Variants in ACSL4 observed in about 807,000 individuals in gnomAD.
ACSL4 encodes the protein acyl-CoA synthetase long chain family member 4.
ACSL4 carries 9 observed loss-of-function variants against 49.1 expected under a neutral mutation model. That is an observed-to-expected ratio of 0.18 (90% confidence interval 0.11 to 0.32). ACSL4 has a LOEUF of 0.32. Ranked by LOEUF, ACSL4 falls within the 10% of genes least tolerant of loss-of-function variation. The probability of loss-of-function intolerance (pLI) is 1.00; values close to 1 mark genes in which losing one functional copy is unlikely to be tolerated. For missense variants in ACSL4, 333 were observed against 493.7 expected (o/e 0.67, Z 3.08); for synonymous variants, 191 against 170.3 (o/e 1.12, Z -0.95).
At chrX:109,649,402 C>T (rs1292294213) in intron 15 of ACSL4, among the ~76,000 whole-genome samples, 1 of 111,364 alleles carries the variant, frequency 9.0e-6, no homozygotes, top group African/African-American at 3.3e-5. Context: ...CTTTGACAAA[C>T]CTAAGAAAAA....
intron 1 of ACSL4, among the ~76,000 whole-genome samples, chrX:109,718,358 T>C (rs1369235589): frequency 1.8e-5 from 2 of 112,332 alleles, no homozygotes; most frequent in Admixed American, 9.4e-5. Context: ...AATCCCAACT[T>C]TGAAAGACAA....
intron 4 of ACSL4, 43 bp from the exon 5 acceptor site, chrX:109,681,418 T>C (rs1478668108): frequency 1.1e-6 from 1 of 894,646 alleles, no homozygotes; most frequent in Non-Finnish European, 1.6e-6. Context: ...AATAAACATC[T>C]ATTAGAAATG....
intron 15 of ACSL4, among the ~76,000 whole-genome samples, chrX:109,648,344 T>A (rs939732365): frequency 2.1e-4 from 23 of 111,804 alleles, no homozygotes; most frequent in African/African-American, 6.2e-4. Flanking sequence ...GTGGGCTTCA[T>A]CCCTGGGATG....
chrX:109,694,400 G>T (rs1925267392), intron 2 of ACSL4, among the ~76,000 whole-genome samples: 1 of 111,979 alleles, frequency 8.9e-6, no homozygotes, highest in South Asian at 3.7e-4. Flanking sequence ...TGAGTGGTAA[G>T]ACCTGGAACA....
At chrX:109,646,912 A>G (rs935532445) in intron 15 of ACSL4, among the ~76,000 whole-genome samples, 6 of 111,947 alleles carry the variant, frequency 5.4e-5, no homozygotes, top group Admixed American at 4.7e-4. Context: ...AACAAAGATC[A>G]GAAGAGACAA....
intron 9 of ACSL4, among the ~76,000 whole-genome samples, chrX:109,672,810 G>A (rs191852457): frequency 1.8e-5 from 2 of 110,269 alleles, no homozygotes; most frequent in African/African-American, 6.6e-5. Context: ...TCTAGCCATG[G>A]GAAAGACCTG....
intron 1 of ACSL4, among the ~76,000 whole-genome samples, chrX:109,726,623 T>C (rs752061791): frequency 2.7e-5 from 3 of 111,901 alleles, no homozygotes; most frequent in East Asian, 5.6e-4. Flanking sequence ...GTCAATTAAG[T>C]GGAGGTCAAT....
chrX:109,692,623 T>C (rs1006014628), intron 2 of ACSL4, among the ~76,000 whole-genome samples: 1 of 111,929 alleles, frequency 8.9e-6, no homozygotes, highest in African/African-American at 3.2e-5. Context: ...ACAATGACAA[T>C]GTCAATGTTG....
intron 15 of ACSL4, among the ~76,000 whole-genome samples, chrX:109,656,100 C>T (rs1022933681): frequency 9.1e-6 from 1 of 110,447 alleles, no homozygotes; most frequent in African/African-American, 3.3e-5. Context: ...AAAGGAAATT[C>T]CCAGGATGAT....
intron 1 of ACSL4, among the ~76,000 whole-genome samples, chrX:109,711,959 G>A (rs1261384160): frequency 8.9e-6 from 1 of 111,997 alleles, no homozygotes; most frequent in Admixed American, 9.5e-5. Context: ...GAAATAAGAA[G>A]TCATATTATG....
Position 109,643,357 on chromosome X carries a change from A to T in ACSL4, c.*672T>A, listed in dbSNP as rs1424643189. The T allele has an allele frequency of 9.0e-6, 1 of 111,685 alleles. No individual in the cohort carries two copies. The highest frequency in any genetic ancestry group is 2.8e-4 in the East Asian group (1 of 3,587). The allele number at this position is 111,685 out of a possible 1,213,427, so 9.2% of individuals were successfully genotyped here. On this transcript the variant is annotated 3_prime_UTR_variant, in exon 16 of 16. Coordinates refer to ENST00000672401, the MANE Select transcript of ACSL4 (RefSeq NM_001318510.2). ...TCAAAGTTTCAAAAAAAGCAGCTCA[A>T]TTTCCCTTTAAATATATTACTAGAT...
intron 2 of ACSL4, among the ~76,000 whole-genome samples, chrX:109,695,397 G>A (rs1304821126): frequency 9.2e-6 from 1 of 108,540 alleles, no homozygotes; most frequent in African/African-American, 3.4e-5. Flanking sequence ...AGCATAAACT[G>A]CTATGGATTT....
chrX:109,657,970 G>A (rs747553530), intron 15 of ACSL4, among the ~76,000 whole-genome samples: 2 of 111,719 alleles, frequency 1.8e-5, no homozygotes, highest in South Asian at 7.4e-4. Flanking sequence ...GATGGCCAGT[G>A]ATGATGAGCA....
intron 15 of ACSL4, among the ~76,000 whole-genome samples, chrX:109,650,881 C>A (rs1050080370): frequency 8.9e-6 from 1 of 111,744 alleles, no homozygotes. Flanking sequence ...TAAATACATA[C>A]AAGTTTATTA....
intron 15 of ACSL4, among the ~76,000 whole-genome samples, chrX:109,654,155 G>T (rs1354041723): frequency 1.8e-5 from 2 of 109,778 alleles, no homozygotes; most frequent in Non-Finnish European, 3.8e-5. Flanking sequence ...GACTTAAATG[G>T]CTATTTATGC....
rs763361880 is a variant in ACSL4, at chrX:109,703,113, T to C, written c.-65-6917A>G. ...TAATAAAAAGTGTGTGGATATTACT[T>C]CATTGCAAAGGGGAAAATGATAACA... On this transcript the variant is annotated intron_variant, in intron 1 of 15. Coordinates refer to ENST00000672401, the MANE Select transcript of ACSL4 (RefSeq NM_001318510.2). Among the ~76,000 whole-genome samples the C allele has an allele frequency of 5.4e-5, 6 of 111,941 alleles. No homozygotes were observed. The East Asian group carries it at 1.7e-3, about 31-fold the overall frequency.
chrX:109,678,340 G>C lies in ACSL4; in HGVS notation c.731C>G (p.Pro244Arg). ...GCTATGATGCATCATCACTCCCTTA[G>C]GTCGGCCAGTAGAACCACTAGTATA... The part of the protein sequence containing the change: ...VMYTSGSTGR[P>R]KGVMMHHSNL... The change falls in exon 7 of 16, where the codon CCT (proline) becomes CGT (arginine). Residue 244 changes from proline (P) to arginine (R), a missense_variant. Physicochemically the swap from Pro to Arg is moderately radical, Grantham distance 103. Transcript: ENST00000672401. 8.3e-7 allele frequency: 1 copy of C among 1,211,505 alleles called. No homozygotes were observed. Among genetic ancestry groups the C allele is most frequent in the Non-Finnish European group, 1.1e-6 (1 of 895,392 alleles).
At chrX:109,672,850 A>C (rs1923378510) in intron 9 of ACSL4, among the ~76,000 whole-genome samples, 1 of 110,788 alleles carries the variant, frequency 9.0e-6, no homozygotes, top group African/African-American at 3.3e-5. Flanking sequence ...AGACTATCCA[A>C]CAGGGTCTCC....
At chrX:109,724,709 T>G (rs1198897849) in intron 1 of ACSL4, among the ~76,000 whole-genome samples, 4 of 109,799 alleles carry the variant, frequency 3.6e-5, no homozygotes, top group Non-Finnish European at 7.6e-5. Flanking sequence ...GTCAGGAGTT[T>G]GAGACCAGCC....
Sources: gnomAD v4.1 joint callset for allele counts (sites outside exome capture counted in the v4.1 genomes callset) on GRCh38, gnomAD v4.1.1 for gene constraint, MANE v1.5 for transcripts, NCBI Gene and HGNC (gene_info 2026-07-23, HGNC 2026-07-21) for gene names.